L3MBTL3: variants seen among roughly 807,000 people sequenced by gnomAD.
The protein encoded by L3MBTL3 is L3MBTL histone methyl-lysine binding protein 3, also known as lethal(3)malignant brain tumor-like protein 3.
In L3MBTL3, 27 loss-of-function variants were observed where a neutral mutation model predicts 102.3. The ratio of observed to expected loss-of-function variants is 0.26; its 90% CI spans 0.19 to 0.36. The LOEUF (loss-of-function observed/expected upper bound fraction) is 0.36, where lower values mean the gene tolerates loss of function less well. L3MBTL3 is among the 10% of genes least tolerant of loss of function. The pLI, the probability that L3MBTL3 is intolerant of heterozygous loss-of-function variation, is 1.00. For synonymous variants in L3MBTL3, 340 were observed against 320.9 expected (o/e 1.06, Z -0.64); for missense variants, 798 against 955.3 (o/e 0.84, Z 2.17).
chr6:130,044,922 T>G (rs1562261474), intron 3 of L3MBTL3, among the ~76,000 whole-genome samples: 1 of 152,204 alleles, frequency 6.6e-6, no homozygotes, highest in Non-Finnish European at 1.5e-5. Context: ...TATTTTATCC[T>G]ACCTAGGCTT....
chr6:130,045,328 T>A (rs1780661707), intron 3 of L3MBTL3, among the ~76,000 whole-genome samples: 1 of 152,176 alleles, frequency 6.6e-6, no homozygotes, highest in African/African-American at 2.4e-5. Flanking sequence ...TGTTCCCTGT[T>A]GCTGGAATCC....
intron 19 of L3MBTL3, among the ~76,000 whole-genome samples, chr6:130,108,224 TTTTTTTG>T (rs1156976897): frequency 7.7e-5 from 9 of 117,210 alleles, no homozygotes; most frequent in Non-Finnish European, 1.0e-4. Context: ...TAGGTGGTTT[TTTTTTTG>T]TTTTTTTTTT....
chr6:130,076,209 C>G (rs371002556), intron 13 of L3MBTL3, among the ~76,000 whole-genome samples: 4 of 152,178 alleles, frequency 2.6e-5, no homozygotes, highest in African/African-American at 9.7e-5. Context: ...ATCTAAACCA[C>G]TCTTGCTTAA....
chr6:130,132,147 A>G (rs751144277), intron 20 of L3MBTL3, among the ~76,000 whole-genome samples: 1 of 152,228 alleles, frequency 6.6e-6, no homozygotes, highest in East Asian at 1.9e-4. Context: ...CAAATAAATT[A>G]TAGAGTATTC....
At chr6:130,139,470 A>G in intron 22 of L3MBTL3, 140 bp from the exon 23 acceptor site, 1 of 722,956 alleles carries the variant, frequency 1.4e-6, no homozygotes. Flanking sequence ...ATATATCAAG[A>G]AATGTCATTG....
intron 14 of L3MBTL3, among the ~76,000 whole-genome samples, chr6:130,080,613 A>C (rs1783276902): frequency 6.6e-6 from 1 of 152,236 alleles, no homozygotes. Flanking sequence ...CATGAGGCAA[A>C]GAACCAAGCC....
At chr6:130,073,554 CAGTTT>C (rs563845277) in intron 13 of L3MBTL3, among the ~76,000 whole-genome samples, 1 of 152,012 alleles carries the variant, frequency 6.6e-6, no homozygotes, top group Non-Finnish European at 1.5e-5. Flanking sequence ...AGGTGAATGT[CAGTTT>C]ATTTTTGTGG....
chr6:130,038,923 A>C (rs1240549830), intron 2 of L3MBTL3, among the ~76,000 whole-genome samples: 3 of 152,170 alleles, frequency 2.0e-5, no homozygotes, highest in African/African-American at 7.2e-5. Flanking sequence ...TTCTCTACTT[A>C]AGGGGGAAAA....
intron 22 of L3MBTL3, among the ~76,000 whole-genome samples, chr6:130,134,127 C>T (rs1005579926): frequency 6.6e-6 from 1 of 151,932 alleles, no homozygotes; most frequent in African/African-American, 2.4e-5. Context: ...TTTATGATAC[C>T]CCACAGCAGT....
chr6:130,093,010 C>T (rs553870094), intron 17 of L3MBTL3, 151 bp downstream of exon 17: 19 of 487,326 alleles, frequency 3.9e-5, no homozygotes, highest in African/African-American at 6.0e-5. Flanking sequence ...TTAATTACCA[C>T]GGTCACAGAA....
chr6:130,038,773 G>A (rs1414480199), intron 2 of L3MBTL3, among the ~76,000 whole-genome samples: 1 of 151,846 alleles, frequency 6.6e-6, no homozygotes, highest in East Asian at 1.9e-4. Context: ...TTTTAGTTTC[G>A]TATAATCCCA....
chr6:130,032,056 G>T (rs1477788283), intron 2 of L3MBTL3, among the ~76,000 whole-genome samples: 2 of 152,056 alleles, frequency 1.3e-5, no homozygotes, highest in African/African-American at 4.8e-5. Context: ...GAGACCACAG[G>T]TGTGCAACAC....
chr6:130,136,826 C>T (rs1257545268), intron 22 of L3MBTL3, among the ~76,000 whole-genome samples: 2 of 152,112 alleles, frequency 1.3e-5, no homozygotes, highest in Non-Finnish European at 1.5e-5. Context: ...CCATATTGGC[C>T]ACACTGGTCT....
chr6:130,055,321 A>G, intron 8 of L3MBTL3, 66 bp downstream of exon 8: 4 of 1,216,246 alleles, frequency 3.3e-6, no homozygotes, highest in Non-Finnish European at 4.7e-6. Flanking sequence ...ACACAGGTGG[A>G]AATTTTAGTC....
intron 19 of L3MBTL3, among the ~76,000 whole-genome samples, chr6:130,109,109 A>G (rs538594068): frequency 3.2e-4 from 49 of 152,226 alleles, no homozygotes; most frequent in South Asian, 3.1e-3. Flanking sequence ...TCTATGATTG[A>G]TGGGCATTTG....
chr6:130,118,535 A>G (rs148945947), intron 19 of L3MBTL3, among the ~76,000 whole-genome samples: 1 of 152,336 alleles, frequency 6.6e-6, no homozygotes, highest in East Asian at 1.9e-4. Context: ...TCTCTAGCTA[A>G]AGGAAACAGC....
chr6:130,018,861 G>A (rs1188256824), intron 1 of L3MBTL3, among the ~76,000 whole-genome samples, 197 bp downstream of exon 1: 1 of 152,132 alleles, frequency 6.6e-6, no homozygotes, highest in Non-Finnish European at 1.5e-5. Context: ...TGCGCCTCTG[G>A]GAAAGAGGAG....
intron 2 of L3MBTL3, among the ~76,000 whole-genome samples, chr6:130,029,814 C>CCCCTG: frequency 6.6e-6 from 1 of 152,234 alleles, no homozygotes; most frequent in East Asian, 1.9e-4. Flanking sequence ...CCCCTCCCCT[C>CCCCTG]CCCTGCCCTG....
intron 5 of L3MBTL3, among the ~76,000 whole-genome samples, chr6:130,050,541 C>T (rs1781033499): frequency 6.6e-6 from 1 of 152,244 alleles, no homozygotes; most frequent in African/African-American, 2.4e-5. Context: ...TGAATCACTT[C>T]TTCTGTACTA....
Sources: gnomAD v4.1 joint callset for allele counts (sites outside exome capture counted in the v4.1 genomes callset) on GRCh38, gnomAD v4.1.1 for gene constraint, MANE v1.5 for transcripts, NCBI Gene and HGNC (gene_info 2026-07-23, HGNC 2026-07-21) for gene names.